Variants in SLC4A10 observed in about 807,000 individuals in gnomAD.
SLC4A10 encodes the protein sodium-driven chloride bicarbonate exchanger.
Under a neutral mutation model 137.7 loss-of-function variants are expected in SLC4A10, and 42 were observed. The ratio of observed to expected loss-of-function variants is 0.30; its 90% CI spans 0.24 to 0.39. The LOEUF (loss-of-function observed/expected upper bound fraction) is 0.39. Among genes scored for constraint, SLC4A10 ranks in the 10% least tolerant of loss-of-function variants. The pLI is 1.00. For missense variants in SLC4A10, 925 were observed against 1,355.0 expected (o/e 0.68, Z 4.98); for synonymous variants, 474 against 464.1 (o/e 1.02, Z -0.27).
intron 1 of SLC4A10, chr2:161,708,634 T>G: frequency 3.5e-6 from 5 of 1,441,804 alleles, no homozygotes; most frequent in Non-Finnish European, 4.5e-6. Flanking sequence ...TTTGATATCT[T>G]GATGATGGCT....
intron 23 of SLC4A10, among the ~76,000 whole-genome samples, chr2:161,966,132 A>G (rs894622558): frequency 1.3e-5 from 2 of 152,154 alleles, no homozygotes; most frequent in African/African-American, 4.8e-5. Context: ...TCATTTAATG[A>G]GGTCAGATCA....
At chr2:161,796,093 TC>T (rs1212964961) in intron 2 of SLC4A10, among the ~76,000 whole-genome samples, 3 of 152,184 alleles carry the variant, frequency 2.0e-5, no homozygotes, top group African/African-American at 7.2e-5. Flanking sequence ...CCCATTATTT[TC>T]CATTTTGAAT....
intron 3 of SLC4A10, among the ~76,000 whole-genome samples, chr2:161,829,571 T>A (rs1413591896): frequency 6.6e-6 from 1 of 152,212 alleles, no homozygotes; most frequent in Non-Finnish European, 1.5e-5. Flanking sequence ...TTACAATTCA[T>A]CTAAATTATT....
At chr2:161,786,580 AT>A (rs978219991) in intron 2 of SLC4A10, among the ~76,000 whole-genome samples, 5 of 151,588 alleles carry the variant, frequency 3.3e-5, no homozygotes, top group African/African-American at 1.2e-4. Flanking sequence ...ATAAAAGAGT[AT>A]ACTCTTTTCT....
chr2:161,790,716 C>T (rs922732904), intron 2 of SLC4A10, among the ~76,000 whole-genome samples: 19 of 152,056 alleles, frequency 1.2e-4, no homozygotes, highest in Admixed American at 1.2e-3. Context: ...ATAAACTGTT[C>T]TGTTTTTCAA....
intron 1 of SLC4A10, among the ~76,000 whole-genome samples, chr2:161,667,256 A>G (rs921101240): frequency 1.3e-5 from 2 of 151,678 alleles, no homozygotes; most frequent in African/African-American, 2.4e-5. Context: ...GCCTAATTTT[A>G]TGATGTTATT....
At chr2:161,809,445 T>A (rs1170233650) in intron 3 of SLC4A10, among the ~76,000 whole-genome samples, 1 of 152,140 alleles carries the variant, frequency 6.6e-6, no homozygotes, top group Non-Finnish European at 1.5e-5. Context: ...CATTAATTCT[T>A]TGTCAAAGTT....
At chr2:161,843,579 A>G (rs1449949874) in intron 4 of SLC4A10, among the ~76,000 whole-genome samples, 1 of 152,116 alleles carries the variant, frequency 6.6e-6, no homozygotes, top group Non-Finnish European at 1.5e-5. Flanking sequence ...AGGGCAGAAC[A>G]TATTTATTGA....
chr2:161,875,880 C>T (rs1367355042), intron 8 of SLC4A10, among the ~76,000 whole-genome samples: 1 of 152,140 alleles, frequency 6.6e-6, no homozygotes, highest in East Asian at 1.9e-4. Context: ...GTCAAGACAC[C>T]ATTTCTTCCC....
intron 6 of SLC4A10, among the ~76,000 whole-genome samples, chr2:161,869,823 C>T (rs2060996373): frequency 6.6e-6 from 1 of 151,550 alleles, no homozygotes; most frequent in Non-Finnish European, 1.5e-5. Context: ...CATTTAACTA[C>T]TGCTCTGAAA....
chr2:161,868,398 A>G (rs1200509037), intron 6 of SLC4A10, among the ~76,000 whole-genome samples: 3 of 151,756 alleles, frequency 2.0e-5, no homozygotes, highest in African/African-American at 7.2e-5. Context: ...TGTAACAAGC[A>G]GAAAAACAGC....
chr2:161,817,655 T>C (rs1473221868), intron 3 of SLC4A10, among the ~76,000 whole-genome samples: 3 of 152,232 alleles, frequency 2.0e-5, no homozygotes, highest in African/African-American at 7.2e-5. Flanking sequence ...TTAATTTTTG[T>C]ATATGGTGTA....
chr2:161,874,569 T>C (rs551063916), intron 8 of SLC4A10, among the ~76,000 whole-genome samples: 18 of 152,320 alleles, frequency 1.2e-4, no homozygotes, highest in African/African-American at 4.1e-4. Flanking sequence ...TTCCTTTCTT[T>C]TAATCCTTTT....
chr2:161,879,836 C>G (rs1314285064), intron 9 of SLC4A10, among the ~76,000 whole-genome samples: 1 of 151,956 alleles, frequency 6.6e-6, no homozygotes, highest in African/African-American at 2.4e-5. Context: ...AGTATTATCG[C>G]AGTGTGGTTG....
At position 161,859,576 on chromosome 2, in the gene SLC4A10, T is replaced by C. The variant is rs2060296865; in HGVS notation, c.578-3298T>C. ...CAGAGTGTGACCTATTTGTCCTTTT[T>C]TTCTTTTCTTTTCTTTTCTTTTTTT... On this transcript the variant is annotated intron_variant, in intron 5 of 26. Transcript: ENST00000446997. 2.9e-5 allele frequency among the ~76,000 whole-genome samples: 4 copies of C among 139,698 alleles called. No individual in the cohort carries two copies. The South Asian group carries it at 9.0e-4, about 31-fold the overall frequency. 91.6% of individuals were successfully genotyped at this position (139,698 alleles called of 152,430 possible).
At chr2:161,793,146 A>G (rs1465383731) in intron 2 of SLC4A10, among the ~76,000 whole-genome samples, 3 of 152,064 alleles carry the variant, frequency 2.0e-5, no homozygotes, top group Admixed American at 6.6e-5. Context: ...CTTTTTCAGA[A>G]ATTTTATTAT....
At position 161,625,850 on chromosome 2, in the gene SLC4A10, C is replaced by A. The variant is rs143781087; in HGVS notation, c.48+1284C>A. ...AAGGAGTTACCACCAAGAATAGAGT[C>A]TCAACAGAGGACAGGGGCAGTGTCG... On this transcript the variant is annotated intron_variant, in intron 1 of 26. Coordinates refer to ENST00000446997, the MANE Select transcript of SLC4A10 (RefSeq NM_001178015.2). Among the ~76,000 whole-genome samples the A allele has an allele frequency of 1.9e-3, 294 of 151,910 alleles. 1 individual carries two copies. The highest frequency in any genetic ancestry group is 3.2e-3 in the Non-Finnish European group (216 of 67,934).
chr2:161,708,889 T>A, intron 1 of SLC4A10: 1 of 1,467,454 alleles, frequency 6.8e-7, no homozygotes, highest in South Asian at 1.3e-5. Context: ...TTTTTCTAGT[T>A]CTTACTCATT....
intron 15 of SLC4A10, among the ~76,000 whole-genome samples, chr2:161,925,560 G>T (rs531646718): frequency 5.4e-4 from 82 of 152,116 alleles, no homozygotes; most frequent in Middle Eastern, 3.4e-3. Context: ...CCTCAGTTCT[G>T]CTCTGATTTT....
Sources: gnomAD v4.1 joint callset for allele counts (sites outside exome capture counted in the v4.1 genomes callset) on GRCh38, gnomAD v4.1.1 for gene constraint, MANE v1.5 for transcripts, NCBI Gene and HGNC (gene_info 2026-07-23, HGNC 2026-07-21) for gene names.